The following SHANK2 variants were observed in gnomAD, a reference collection of about 807,000 sequenced individuals.
SHANK2 encodes the protein SH3 and multiple ankyrin repeat domains protein 2.
In SHANK2, 43 loss-of-function variants were observed where a neutral mutation model predicts 133.7. That is an observed-to-expected ratio of 0.32 (90% confidence interval 0.25 to 0.41). The LOEUF (loss-of-function observed/expected upper bound fraction) is 0.41. SHANK2 is among the 10% of genes least tolerant of loss of function. The pLI is 1.00. For synonymous variants in SHANK2, 1,017 were observed against 952.8 expected (o/e 1.07, Z -1.24); for missense variants, 1,994 against 2,235.8 (o/e 0.89, Z 2.18).
intron 1 of SHANK2, among the ~76,000 whole-genome samples, chr11:71,237,812 G>A (rs782137370): frequency 2.6e-5 from 4 of 152,108 alleles, no homozygotes; most frequent in African/African-American, 7.2e-5. Context: ...GGTAAAAGAC[G>A]GCAGGATGAG....
intron 2 of SHANK2, among the ~76,000 whole-genome samples, chr11:71,221,193 A>T (rs1954530448): frequency 6.6e-6 from 1 of 150,854 alleles, no homozygotes; most frequent in South Asian, 2.1e-4. Flanking sequence ...ACAGTGAGTG[A>T]GACTCCATCT....
intron 11 of SHANK2, among the ~76,000 whole-genome samples, chr11:70,834,218 C>A (rs1011563882): frequency 2.6e-5 from 4 of 152,138 alleles, no homozygotes; most frequent in African/African-American, 9.7e-5. Flanking sequence ...CACCTTAACA[C>A]AAAATACACA....
intron 11 of SHANK2, among the ~76,000 whole-genome samples, chr11:70,835,975 T>A (rs141740701): frequency 2.6e-3 from 401 of 152,106 alleles, no homozygotes; most frequent in Non-Finnish European, 4.1e-3. Flanking sequence ...GGGCAGCAGC[T>A]CTCCCTGTCT....
rs534996782 is a variant in SHANK2, at chr11:70,753,882, G to C, written c.1777+44561C>G. 1.0e-4 allele frequency among the ~76,000 whole-genome samples: 14 copies of C among 137,898 alleles called. No homozygotes were observed. In the Admixed American group the frequency reaches 1.1e-3, roughly 10 times the overall value. 90.5% of individuals were successfully genotyped at this position (137,898 alleles called of 152,430 possible). ...GCTGGAGTGCAGTGGTGCAATCTCAGCTCACTCCAAACTCTGCCTCCTGGG... is the reference window on the plus strand; with the variant it reads ...GCTGGAGTGCAGTGGTGCAATCTCACCTCACTCCAAACTCTGCCTCCTGGG... On this transcript the variant is annotated intron_variant, in intron 14 of 25. Coordinates refer to ENST00000601538, the MANE Select transcript of SHANK2 (RefSeq NM_012309.5).
At chr11:71,248,298 A>G (rs540867028) in intron 1 of SHANK2, among the ~76,000 whole-genome samples, 3 of 152,260 alleles carry the variant, frequency 2.0e-5, no homozygotes, top group African/African-American at 4.8e-5. Context: ...CGTGGGGCAC[A>G]TCAAGAAGTA....
At chr11:71,130,137 A>G (rs1466725118) in intron 3 of SHANK2, among the ~76,000 whole-genome samples, 2 of 152,214 alleles carry the variant, frequency 1.3e-5, no homozygotes, top group Non-Finnish European at 2.9e-5. Flanking sequence ...ATCTCCAAAT[A>G]AAGTCTCATT....
chr11:70,592,449 A>T (rs1232865584), intron 17 of SHANK2, among the ~76,000 whole-genome samples: 4 of 152,090 alleles, frequency 2.6e-5, no homozygotes, highest in African/African-American at 9.7e-5. Context: ...AATCTGATGC[A>T]GCCAACACAG....
rs140750950 is a variant in SHANK2, at chr11:70,503,848, G to T, written c.2062-917C>A. Among the ~76,000 whole-genome samples, 4 of 152,362 alleles carry T rather than the reference G, an allele frequency of 2.6e-5. No homozygotes were observed. In the East Asian group the frequency reaches 7.7e-4, roughly 29 times the overall value. On this transcript the variant is annotated intron_variant, in intron 17 of 25. Transcript: ENST00000601538. ...GAGGAAAACCCGAGTGATGGAGACT[G>T]GAACTGGGTGGGCGTCTGGGCTGAC... is the stretch of plus-strand genomic sequence containing the variant.
intron 10 of SHANK2, among the ~76,000 whole-genome samples, chr11:70,898,303 CACACACACAT>C (rs1949970021): frequency 6.7e-6 from 1 of 149,674 alleles, no homozygotes; most frequent in African/African-American, 2.5e-5. Context: ...CACACACACA[CACACACACAT>C]ATATATATGT....
intron 6 of SHANK2, among the ~76,000 whole-genome samples, chr11:71,109,290 A>C (rs572457760): frequency 2.6e-5 from 4 of 152,230 alleles, no homozygotes; most frequent in Admixed American, 1.3e-4. Context: ...CTGGGGTGAC[A>C]GTGCCCACAC....
At chr11:70,760,902 G>A (rs934061833) in intron 14 of SHANK2, among the ~76,000 whole-genome samples, 11 of 152,198 alleles carry the variant, frequency 7.2e-5, no homozygotes, top group African/African-American at 2.2e-4. Flanking sequence ...AGCAGGAGGC[G>A]GGTCCAGAGC....
At chr11:70,836,673 C>T (rs1948822862) in intron 11 of SHANK2, among the ~76,000 whole-genome samples, 1 of 152,228 alleles carries the variant, frequency 6.6e-6, no homozygotes, top group Non-Finnish European at 1.5e-5. Context: ...ACCACTGCAG[C>T]TGCCCAACGC....
chr11:70,592,185 C>T (rs538453064), intron 17 of SHANK2, among the ~76,000 whole-genome samples: 30 of 152,250 alleles, frequency 2.0e-4, no homozygotes, highest in South Asian at 1.7e-3. Flanking sequence ...GTGTGCTGAC[C>T]GCCGGCCTCC....
chr11:71,250,256 A>C (rs189128571), intron 1 of SHANK2, among the ~76,000 whole-genome samples: 1 of 152,306 alleles, frequency 6.6e-6, no homozygotes, highest in Admixed American at 6.5e-5. Flanking sequence ...CTCCTTCCAA[A>C]GGGACCCAAA....
chr11:70,765,230 G>A (rs1465936470), intron 14 of SHANK2, among the ~76,000 whole-genome samples: 1 of 152,180 alleles, frequency 6.6e-6, no homozygotes, highest in East Asian at 1.9e-4. Context: ...CCAAAGATAT[G>A]CATGCAATTC....
chr11:71,083,502 A>C (rs1951328874), intron 8 of SHANK2, among the ~76,000 whole-genome samples: 2 of 152,212 alleles, frequency 1.3e-5, no homozygotes, highest in South Asian at 4.1e-4. Flanking sequence ...TGCTCAGGTG[A>C]GCCAGCGAGC....
intron 1 of SHANK2, among the ~76,000 whole-genome samples, chr11:71,246,695 C>T (rs182899733): frequency 6.6e-5 from 10 of 152,216 alleles, no homozygotes; most frequent in Non-Finnish European, 1.5e-4. Context: ...CCCTAACATC[C>T]CTGAGGCTCT....
chr11:70,738,567 T>C (rs890943039), intron 14 of SHANK2, among the ~76,000 whole-genome samples: 7 of 152,192 alleles, frequency 4.6e-5, no homozygotes, highest in African/African-American at 1.7e-4. Context: ...CCCATGGTGT[T>C]CTGGTCTGTT....
intron 2 of SHANK2, among the ~76,000 whole-genome samples, chr11:71,155,810 G>A: frequency 6.7e-6 from 1 of 149,130 alleles, no homozygotes; most frequent in East Asian, 2.1e-4. Context: ...CCAGGCACCA[G>A]CATGGCATTA....
Sources: gnomAD v4.1 joint callset for allele counts (sites outside exome capture counted in the v4.1 genomes callset) on GRCh38, gnomAD v4.1.1 for gene constraint, MANE v1.5 for transcripts, NCBI Gene and HGNC (gene_info 2026-07-23, HGNC 2026-07-21) for gene names.